The following MTUS1 variants were observed in gnomAD, a reference collection of about 807,000 sequenced individuals.
MTUS1 encodes the protein microtubule-associated tumor suppressor 1.
A neutral mutation model predicts 120.8 loss-of-function variants in MTUS1; 109 were observed. The observed-to-expected ratio is 0.90, with a 90% CI of 0.77 to 1.06. The LOEUF (loss-of-function observed/expected upper bound fraction) is 1.06. Ranked by LOEUF, MTUS1 falls within the 50% of genes least tolerant of loss-of-function variation. The pLI, the probability that MTUS1 is intolerant of heterozygous loss-of-function variation, is 0.00. For synonymous variants in MTUS1, 737 were observed against 550.5 expected (o/e 1.34, Z -4.74); for missense variants, 2,210 against 1,486.3 (o/e 1.49, Z -8.01).
chr8:17,645,754 C>T lies in MTUS1; in HGVS notation c.*172G>A, dbSNP rs1805645837. 1.4e-5 allele frequency: 11 copies of T among 808,000 alleles called. No individual in the cohort carries two copies. The African/African-American group carries it at 1.8e-4, about 13-fold the overall frequency. The allele number at this position is 808,000 out of a possible 1,614,324, so 50.1% of individuals were successfully genotyped here. A position where few individuals can be genotyped will look rare whatever the true frequency, so the allele number is the denominator to read the frequency against. ...CTTTTGGACGGAGGCAAAAGTCTTC[C>T]TCCAGAGTTCCAGTCTCAGAAGCTG... On this transcript the variant is annotated 3_prime_UTR_variant, in exon 15 of 15. Coordinates refer to ENST00000693296, the MANE Select transcript of MTUS1 (RefSeq NM_001363059.2).
intron 5 of MTUS1, among the ~76,000 whole-genome samples, chr8:17,713,566 T>C (rs926726133): frequency 1.3e-5 from 2 of 152,204 alleles, no homozygotes; most frequent in African/African-American, 2.4e-5. Flanking sequence ...CAGTACTGAA[T>C]TCACAGACTG....
intron 7 of MTUS1, among the ~76,000 whole-genome samples, chr8:17,681,384 T>C (rs1334607150): frequency 6.6e-6 from 1 of 152,204 alleles, no homozygotes; most frequent in African/African-American, 2.4e-5. Context: ...ATGGATGACG[T>C]ACAGGAAGTT....
intron 3 of MTUS1, among the ~76,000 whole-genome samples, chr8:17,738,780 T>C (rs569049526): frequency 1.3e-5 from 2 of 152,156 alleles, no homozygotes; most frequent in South Asian, 4.2e-4. Context: ...AACCAAGGCC[T>C]GAAAAGAAAA....
chr8:17,766,640 A>AAAGTATTGT (rs1233299558), intron 1 of MTUS1, among the ~76,000 whole-genome samples: 17 of 152,320 alleles, frequency 1.1e-4, no homozygotes, highest in South Asian at 6.2e-4. Context: ...CCTGTGTAAG[A>AAAGTATTGT]AAGTATTGTC....
At chr8:17,654,540 G>C in intron 10 of MTUS1, 21 bp downstream of exon 10, 4 of 1,439,962 alleles carry the variant, frequency 2.8e-6, no homozygotes, top group Non-Finnish European at 3.9e-6. Flanking sequence ...TCTGTTTAAA[G>C]AGGAAAAAAA....
chr8:17,721,027 C>T (rs1354007291), intron 4 of MTUS1, among the ~76,000 whole-genome samples: 1 of 152,094 alleles, frequency 6.6e-6, no homozygotes, highest in East Asian at 1.9e-4. Context: ...CCCAAAGTTC[C>T]GAGAACCCAG....
rs374407718 is a variant in MTUS1, at chr8:17,645,952, G to T, written c.3787C>A (p.Pro1263Thr). The T allele has an allele frequency of 1.9e-6, 3 of 1,612,334 alleles. No homozygotes were observed. The highest frequency in any genetic ancestry group is 2.2e-5 in the South Asian group (2 of 90,822). ...CATCTGGGTGAAATGCTGGGGCTAGGGAAGGAGCCCGAATTCCTTGGTGAC... is the reference window on the plus strand; with the variant it reads ...CATCTGGGTGAAATGCTGGGGCTAGTGAAGGAGCCCGAATTCCTTGGTGAC... ...LQSPRNSGSF[P>T]SPSISPR The change falls in exon 15 of 15, where the codon CCT becomes ACT. Residue 1263 changes from proline (P) to threonine (T), a missense_variant. By Grantham distance (38) the Pro-to-Thr change is conservative. Transcript: ENST00000693296.
At chr8:17,747,578 T>A (rs1398775299) in intron 2 of MTUS1, among the ~76,000 whole-genome samples, 1 of 152,172 alleles carries the variant, frequency 6.6e-6, no homozygotes, top group Admixed American at 6.5e-5. Flanking sequence ...CTAAACCTGT[T>A]TGCCCACTCT....
rs892753089 is a variant in MTUS1, at chr8:17,654,820, G to C, written c.3109-154C>G. 6 of 614,466 alleles carry C rather than the reference G, an allele frequency of 9.8e-6. No individual in the cohort carries two copies. The African/African-American group carries it at 1.1e-4, about 11-fold the overall frequency. 38.1% of individuals were successfully genotyped at this position (614,466 alleles called of 1,614,324 possible). A position where few individuals can be genotyped will look rare whatever the true frequency, so the allele number is the denominator to read the frequency against. On this transcript the variant is annotated intron_variant, in intron 9 of 14. Coordinates refer to ENST00000693296, the MANE Select transcript of MTUS1 (RefSeq NM_001363059.2). ...CAACACATACAAAGGTCAGGGCAGT[G>C]GTTCACACTTGTAACCTCAGCACTC... is the stretch of plus-strand genomic sequence containing the variant.
intron 8 of MTUS1, among the ~76,000 whole-genome samples, chr8:17,662,480 C>T (rs569079675): frequency 1.3e-3 from 196 of 151,342 alleles, no homozygotes; most frequent in African/African-American, 4.6e-3. Flanking sequence ...CACAGCCTCC[C>T]GAGTAGCTGG....
In MTUS1 at chr8:17,644,499, GA is replaced by G. The variant is rs1484683547; in HGVS notation, c.*1426del. 1 of 152,590 alleles carries G rather than the reference GA, an allele frequency of 6.6e-6. No homozygotes were observed. The highest frequency in any genetic ancestry group is 1.5e-5 in the Non-Finnish European group (1 of 68,046). The allele number at this position is 152,590 out of a possible 1,614,324, so 9.5% of individuals were successfully genotyped here. A position where few individuals can be genotyped will look rare whatever the true frequency, so the allele number is the denominator to read the frequency against. On this transcript the variant is annotated 3_prime_UTR_variant, in exon 15 of 15. Transcript: ENST00000693296. ...CTTTTCCAAAGTCTCAGGATTAGGG[GA>G]GGTAATAAGTTTTGGAAAGAAACTG...
chr8:17,645,946 G>T lies in MTUS1; in HGVS notation c.3793C>A (p.Pro1265Thr). ...SPRNSGSFPS[P>T]SISPR is the part of the protein sequence containing the mutation. ...AGGTGTCATCTGGGTGAAATGCTGG[G>T]GCTAGGGAAGGAGCCCGAATTCCTT... Residue 1265 changes from proline to threonine, a missense_variant, in exon 15 of 15, where the codon CCC becomes ACC. Physicochemically the swap from Pro to Thr is conservative, Grantham distance 38. Coordinates refer to ENST00000693296, the MANE Select transcript of MTUS1 (RefSeq NM_001363059.2). 2 of 1,612,108 alleles carry T rather than the reference G, an allele frequency of 1.2e-6. No individual in the cohort carries two copies. Among genetic ancestry groups the T allele is most frequent in the Non-Finnish European group, 8.5e-7 (1 of 1,179,786 alleles).
At chr8:17,665,587 C>T (rs1047984370) in intron 8 of MTUS1, among the ~76,000 whole-genome samples, 5 of 152,114 alleles carry the variant, frequency 3.3e-5, no homozygotes, top group Non-Finnish European at 4.4e-5. Context: ...TCTCAAACTC[C>T]GGGCATCAAG....
intron 5 of MTUS1, among the ~76,000 whole-genome samples, chr8:17,714,876 C>T (rs552869796): frequency 7.1e-6 from 1 of 140,080 alleles, no homozygotes; most frequent in East Asian, 2.3e-4. Flanking sequence ...AGCTTCAGTT[C>T]ACTAAGCACA....
At position 17,713,253 on chromosome 8, in the gene MTUS1, C is replaced by G. The variant is rs147933019; in HGVS notation, c.2585-1G>C. Reference sequence around the variant, plus strand: ...GTAAATAAATTTTTTCTCGAAGGACCTAAGATATAAAAGAAACATGTAAAA... The same window carrying G: ...GTAAATAAATTTTTTCTCGAAGGACGTAAGATATAAAAGAAACATGTAAAA... On this transcript the variant is annotated splice_acceptor_variant, in intron 5 of 14. Transcript: ENST00000693296. LOFTEE classifies it high-confidence loss of function. 2 of 1,553,940 alleles carry G rather than the reference C, an allele frequency of 1.3e-6. No homozygotes were observed.
chr8:17,735,536 G>C (rs1039004212), intron 3 of MTUS1, among the ~76,000 whole-genome samples: 5 of 152,292 alleles, frequency 3.3e-5, no homozygotes, highest in Non-Finnish European at 7.4e-5. Flanking sequence ...GCTGACTCTG[G>C]CCTTGACGTT....
chr8:17,779,755 A>G (rs760538431), intron 1 of MTUS1, among the ~76,000 whole-genome samples: 1 of 152,090 alleles, frequency 6.6e-6, no homozygotes, highest in African/African-American at 2.4e-5. Context: ...CCTCTAAGAG[A>G]TTCTTCTTTG....
chr8:17,677,169 G>A (rs1333841172), intron 7 of MTUS1, among the ~76,000 whole-genome samples: 1 of 152,112 alleles, frequency 6.6e-6, no homozygotes, highest in Non-Finnish European at 1.5e-5. Flanking sequence ...TTCTAATGTA[G>A]AAATTAAAGC....
chr8:17,680,529 A>G (rs1457233770), intron 7 of MTUS1, among the ~76,000 whole-genome samples: 2 of 149,754 alleles, frequency 1.3e-5, no homozygotes, highest in African/African-American at 4.9e-5. Flanking sequence ...GTGCAGTCAC[A>G]ATTCCTTGGC....
Sources: gnomAD v4.1 joint callset for allele counts (sites outside exome capture counted in the v4.1 genomes callset) on GRCh38, gnomAD v4.1.1 for gene constraint, MANE v1.5 for transcripts, NCBI Gene and HGNC (gene_info 2026-07-23, HGNC 2026-07-21) for gene names.